Variants in HMGCLL1 observed in about 807,000 individuals in gnomAD.
HMGCLL1 encodes the protein 3-hydroxymethyl-3-methylglutaryl-CoA lyase, cytoplasmic.
In HMGCLL1, 36 loss-of-function variants were observed where a neutral mutation model predicts 39.1. The observed-to-expected ratio is 0.92, with a 90% confidence interval of 0.71 to 1.22. The LOEUF (loss-of-function observed/expected upper bound fraction) is 1.22. Ranked by LOEUF, HMGCLL1 falls within the 50% of genes most tolerant of loss-of-function variation. The probability of loss-of-function intolerance (pLI) is 0.00; values close to 1 mark genes in which losing one functional copy is unlikely to be tolerated. For synonymous variants in HMGCLL1, 149 were observed against 144.0 expected, an observed-to-expected ratio of 1.03 and a Z score of -0.25; for missense variants, 451 against 416.5, an observed-to-expected ratio of 1.08 and a Z score of -0.72.
the HMGCLL1 span, among the ~76,000 whole-genome samples, chr6:55,643,479 T>C: frequency 1.4e-3 from 212 of 152,164 alleles, no homozygotes; most frequent in Non-Finnish European, 2.6e-3. Flanking sequence ...ATTTTAATGA[T>C]ACTGATTCTT....
the HMGCLL1 span, among the ~76,000 whole-genome samples, chr6:55,639,129 G>C: frequency 1.1e-4 from 16 of 151,786 alleles, no homozygotes; most frequent in African/African-American, 3.9e-4. Context: ...ATTTATACTT[G>C]CTGCAAAGAA....
At chr6:55,647,776 T>A in the HMGCLL1 span, among the ~76,000 whole-genome samples, 5 of 145,758 alleles carry the variant, frequency 3.4e-5, no homozygotes, top group Non-Finnish European at 7.6e-5. Flanking sequence ...TTTATTTTTT[T>A]TTTTTATTAT....
At chr6:55,490,803 C>A (rs1311375805) in intron 7 of HMGCLL1, among the ~76,000 whole-genome samples, 1 of 135,720 alleles carries the variant, frequency 7.4e-6, no homozygotes, top group African/African-American at 2.8e-5. Flanking sequence ...TCTAATTGAT[C>A]ACCTATTGCC....
chr6:55,538,150 A>G (rs970103243), intron 3 of HMGCLL1, among the ~76,000 whole-genome samples: 1 of 152,138 alleles, frequency 6.6e-6, no homozygotes, highest in Non-Finnish European at 1.5e-5. Flanking sequence ...CCACTCTTGC[A>G]TAATACTAGA....
chr6:55,618,137 T>C, the HMGCLL1 span, among the ~76,000 whole-genome samples: 1 of 151,996 alleles, frequency 6.6e-6, no homozygotes, highest in Non-Finnish European at 1.5e-5. Flanking sequence ...AGGAAGTAAT[T>C]ATAATAAAAA....
chr6:55,629,516 T>A, the HMGCLL1 span, among the ~76,000 whole-genome samples: 3 of 152,160 alleles, frequency 2.0e-5, no homozygotes, highest in African/African-American at 7.2e-5. Context: ...AAATCCAAGC[T>A]GGCTGCATAA....
intron 1 of HMGCLL1, chr6:55,564,012 G>A: frequency 2.0e-6 from 1 of 497,846 alleles, no homozygotes; most frequent in Non-Finnish European, 3.7e-6. Context: ...ATGCTAAGCA[G>A]AAATGGAAAG....
chr6:55,501,476 T>C (rs1766886456), intron 5 of HMGCLL1, among the ~76,000 whole-genome samples: 1 of 151,872 alleles, frequency 6.6e-6, no homozygotes, highest in Non-Finnish European at 1.5e-5. Context: ...GTCAACTCTT[T>C]CTAAAGAAGT....
chr6:55,469,991 G>A (rs764049664), intron 7 of HMGCLL1, among the ~76,000 whole-genome samples: 2 of 151,842 alleles, frequency 1.3e-5, no homozygotes, highest in Non-Finnish European at 2.9e-5. Context: ...TTCCGCAGCT[G>A]AGCCAGATGT....
At chr6:55,673,912 C>G in the HMGCLL1 span, among the ~76,000 whole-genome samples, 1 of 151,764 alleles carries the variant, frequency 6.6e-6, no homozygotes, top group Non-Finnish European at 1.5e-5. Context: ...TAAGAACATT[C>G]AGAACTTTCA....
At chr6:55,491,827 A>T (rs1294195356) in intron 7 of HMGCLL1, among the ~76,000 whole-genome samples, 1 of 151,998 alleles carries the variant, frequency 6.6e-6, no homozygotes, top group Non-Finnish European at 1.5e-5. Flanking sequence ...CCACACTGGG[A>T]TCGACATGCT....
At chr6:55,630,181 A>T in the HMGCLL1 span, among the ~76,000 whole-genome samples, 1 of 152,160 alleles carries the variant, frequency 6.6e-6, no homozygotes, top group Non-Finnish European at 1.5e-5. Context: ...GGAGCTGCCT[A>T]AGGCTGTGGG....
the HMGCLL1 span, among the ~76,000 whole-genome samples, chr6:55,637,947 T>G: frequency 2.0e-5 from 3 of 152,102 alleles, no homozygotes; most frequent in Non-Finnish European, 4.4e-5. Flanking sequence ...AAAACATAAT[T>G]TGTATTATCC....
the HMGCLL1 span, among the ~76,000 whole-genome samples, chr6:55,621,910 C>A: frequency 6.6e-6 from 1 of 151,502 alleles, no homozygotes. Flanking sequence ...AGTTTTTTGA[C>A]AGGTTTTATC....
intron 3 of HMGCLL1, among the ~76,000 whole-genome samples, chr6:55,534,945 C>T (rs1170926582): frequency 2.6e-5 from 4 of 152,072 alleles, no homozygotes; most frequent in East Asian, 3.9e-4. Context: ...CACGTTAGAC[C>T]GATTGAAGCA....
intron 1 of HMGCLL1, among the ~76,000 whole-genome samples, chr6:55,545,898 C>T (rs899086858): frequency 1.3e-5 from 2 of 151,944 alleles, no homozygotes; most frequent in African/African-American, 4.8e-5. Flanking sequence ...TGAAAGGCAA[C>T]CCATTTAAAA....
the HMGCLL1 span, among the ~76,000 whole-genome samples, chr6:55,593,028 C>T: frequency 6.6e-6 from 1 of 152,072 alleles, no homozygotes; most frequent in African/African-American, 2.4e-5. Context: ...TGATTTCAAA[C>T]ATTCAAACCT....
intron 6 of HMGCLL1, among the ~76,000 whole-genome samples, chr6:55,496,123 C>T (rs943046184): frequency 6.6e-5 from 10 of 151,930 alleles, no homozygotes; most frequent in South Asian, 2.1e-4. Context: ...TCCACTTGTA[C>T]GTGATTTTTT....
At chr6:55,554,412 T>C (rs533687865) in intron 1 of HMGCLL1, among the ~76,000 whole-genome samples, 1 of 152,104 alleles carries the variant, frequency 6.6e-6, no homozygotes, top group East Asian at 1.9e-4. Flanking sequence ...TAGTTAGACA[T>C]TCACATCACA....
Sources: allele counts gnomAD v4.1 joint callset (sites outside exome capture counted in the v4.1 genomes callset), GRCh38; gene constraint gnomAD v4.1.1; transcripts MANE v1.5; gene names NCBI Gene and HGNC (gene_info 2026-07-23, HGNC 2026-07-21).